SERTAD2: variants seen among roughly 807,000 people sequenced by gnomAD.
SERTAD2 encodes the protein SERTA domain-containing protein 2.
In SERTAD2, 2 loss-of-function variants were observed where a neutral mutation model predicts 15.4. The observed-to-expected ratio is 0.13, with a 90% CI of 0.05 to 0.41. SERTAD2 has a LOEUF of 0.41. Among genes scored for constraint, SERTAD2 ranks in the 10% least tolerant of loss-of-function variants. SERTAD2 has a pLI of 0.99. For synonymous variants in SERTAD2, 180 were observed against 178.0 expected (o/e 1.01, Z -0.09); for missense variants, 333 against 409.7 (o/e 0.81, Z 1.62).
Position 64,635,364 on chromosome 2 carries a change from C to G in SERTAD2, c.*563G>C, listed in dbSNP as rs1309709331. On this transcript the variant is annotated 3_prime_UTR_variant, in exon 2 of 2. Transcript: ENST00000313349. ...AAAACAATATCATAAACTGCAGAAT[C>G]TGTACAAAAATATAAAATAAATTTG... 6.6e-6 allele frequency: 1 copy of G among 152,652 alleles called. No individual in the cohort carries two copies. The highest frequency in any genetic ancestry group is 6.5e-5 in the Admixed American group (1 of 15,284). 9.5% of individuals were successfully genotyped at this position (152,652 alleles called of 1,614,324 possible). A position where few individuals can be genotyped will look rare whatever the true frequency, so the allele number is the denominator to read the frequency against.
At chr2:64,650,011 G>A (rs370632958) in intron 1 of SERTAD2, among the ~76,000 whole-genome samples, 77 of 152,306 alleles carry the variant, frequency 5.1e-4, no homozygotes, top group South Asian at 6.2e-4. Context: ...CAATGGGTGC[G>A]GAATACAGCT....
rs191208676 is a variant in SERTAD2, at chr2:64,645,614, A to T, written c.-5+8006T>A. 4.9e-4 allele frequency among the ~76,000 whole-genome samples: 74 copies of T among 152,332 alleles called. No individual in the cohort carries two copies. In the East Asian group the frequency reaches 9.6e-3, roughly 20 times the overall value. On this transcript the variant is annotated intron_variant, in intron 1 of 1. Coordinates refer to ENST00000313349, the MANE Select transcript of SERTAD2 (RefSeq NM_014755.3). The stretch of plus-strand genomic sequence containing the variant: ...TTTTCTCCTAGTAAAATAATTTTTT[A>T]AAAATGTTGACAGCTGCATTTAGTA...
rs930723277 is a variant in SERTAD2, at chr2:64,632,791, T to C, written c.*3136A>G. On this transcript the variant is annotated 3_prime_UTR_variant, in exon 2 of 2. Coordinates refer to ENST00000313349, the MANE Select transcript of SERTAD2 (RefSeq NM_014755.3). The stretch of plus-strand genomic sequence containing the variant: ...CCTACAAGAGAATACATTCCTACCA[T>C]ACATTCTGCACATGTTACGATCCAG... The C allele has an allele frequency of 4.6e-5, 7 of 152,650 alleles. No homozygotes were observed. In the South Asian group the frequency reaches 8.3e-4, roughly 18 times the overall value. 9.5% of individuals were successfully genotyped at this position (152,650 alleles called of 1,614,324 possible). A position where few individuals can be genotyped will look rare whatever the true frequency, so the allele number is the denominator to read the frequency against.
rs1257809993 is a variant in SERTAD2, at chr2:64,632,066, C to T, written c.*3861G>A. The T allele has an allele frequency of 1.3e-5, 2 of 152,656 alleles. No individual in the cohort carries two copies. Among genetic ancestry groups the T allele is most frequent in the Admixed American group, 6.5e-5 (1 of 15,288 alleles). 9.5% of individuals were successfully genotyped at this position (152,656 alleles called of 1,614,324 possible). A position where few individuals can be genotyped will look rare whatever the true frequency, so the allele number is the denominator to read the frequency against. ...CAATTGTACATAAGCAGGATGCACACAACTCCATGCCTCCAGGTGCGGGGC... is the reference window on the plus strand; with the variant it reads ...CAATTGTACATAAGCAGGATGCACATAACTCCATGCCTCCAGGTGCGGGGC... On this transcript the variant is annotated 3_prime_UTR_variant, in exon 2 of 2. Transcript: ENST00000313349.
At position 64,635,223 on chromosome 2, in the gene SERTAD2, A is replaced by G. The variant is rs975595549; in HGVS notation, c.*704T>C. ...CTCTTGCACCATACACATATAAAACATTACAACTCTATAAAAGTACAAGTG... is the reference window on the plus strand; with the variant it reads ...CTCTTGCACCATACACATATAAAACGTTACAACTCTATAAAAGTACAAGTG... On this transcript the variant is annotated 3_prime_UTR_variant, in exon 2 of 2. Transcript: ENST00000313349. 2.0e-5 allele frequency: 3 copies of G among 152,696 alleles called. No individual in the cohort carries two copies. Among genetic ancestry groups the G allele is most frequent in the African/African-American group, 7.2e-5 (3 of 41,462 alleles). 9.5% of individuals were successfully genotyped at this position (152,696 alleles called of 1,614,324 possible).
At position 64,632,719 on chromosome 2, in the gene SERTAD2, AG is replaced by A. The variant is rs1488053813; in HGVS notation, c.*3207del. ...AATGCGGACTGTGCATACAATGAGA[AG>A]ACCTGGGGGCCTGGCTTGGACCCCC... On this transcript the variant is annotated 3_prime_UTR_variant, in exon 2 of 2. Coordinates refer to ENST00000313349, the MANE Select transcript of SERTAD2 (RefSeq NM_014755.3). The A allele has an allele frequency of 2.0e-5, 3 of 152,670 alleles. No homozygotes were observed. The highest frequency in any genetic ancestry group is 4.4e-5 in the Non-Finnish European group (3 of 68,052). The allele number at this position is 152,670 out of a possible 1,614,324, so 9.5% of individuals were successfully genotyped here.
At chr2:64,646,898 A>C (rs1370078953) in intron 1 of SERTAD2, among the ~76,000 whole-genome samples, 1 of 152,230 alleles carries the variant, frequency 6.6e-6, no homozygotes, top group African/African-American at 2.4e-5. Flanking sequence ...GGCTTGCAAC[A>C]TGGACTCCCA....
rs1353612718 is a variant in SERTAD2, at chr2:64,632,078, T to C, written c.*3849A>G. The C allele has an allele frequency of 6.6e-6, 1 of 152,614 alleles. No homozygotes were observed. Among genetic ancestry groups the C allele is most frequent in the Non-Finnish European group, 1.5e-5 (1 of 68,030 alleles). The allele number at this position is 152,614 out of a possible 1,614,324, so 9.5% of individuals were successfully genotyped here. A position where few individuals can be genotyped will look rare whatever the true frequency, so the allele number is the denominator to read the frequency against. Reference sequence around the variant, plus strand: ...AGCAGGATGCACACAACTCCATGCCTCCAGGTGCGGGGCAGTTACAGGAAG... The same window carrying C: ...AGCAGGATGCACACAACTCCATGCCCCCAGGTGCGGGGCAGTTACAGGAAG... On this transcript the variant is annotated 3_prime_UTR_variant, in exon 2 of 2. Coordinates refer to ENST00000313349, the MANE Select transcript of SERTAD2 (RefSeq NM_014755.3).
At chr2:64,638,306 T>C (rs1309784426) in intron 1 of SERTAD2, among the ~76,000 whole-genome samples, 2 of 152,380 alleles carry the variant, frequency 1.3e-5, no homozygotes, top group East Asian at 3.9e-4. Flanking sequence ...TACACTGTCA[T>C]AGGCATTTGG....
chr2:64,642,058 G>A (rs1425497683), intron 1 of SERTAD2, among the ~76,000 whole-genome samples: 1 of 152,156 alleles, frequency 6.6e-6, no homozygotes, highest in Non-Finnish European at 1.5e-5. Flanking sequence ...AGTTTAGGCC[G>A]GAGGATATCT....
rs1275888647 is a variant in SERTAD2 at position 64,633,635 on chromosome 2, G to A, written c.*2292C>T. On this transcript the variant is annotated 3_prime_UTR_variant, in exon 2 of 2. Coordinates refer to ENST00000313349, the MANE Select transcript of SERTAD2 (RefSeq NM_014755.3). ...ATCTGGGCAGACTTGTTCTCTGCAA[G>A]AAAGGGAAGCTCTTAAAATTAACAG... 6.6e-6 allele frequency: 1 copy of A among 152,244 alleles called. No individual in the cohort carries two copies. The highest frequency in any genetic ancestry group is 1.5e-5 in the Non-Finnish European group (1 of 68,040). 9.4% of individuals were successfully genotyped at this position (152,244 alleles called of 1,614,324 possible).
rs1282339015 is a variant in SERTAD2, at chr2:64,636,798, C to T, written c.74G>A (p.Cys25Tyr). Residue 25 changes from cysteine to tyrosine, a missense_variant, in exon 2 of 2, where the codon TGT becomes TAT. Cys to Tyr is a radical substitution (Grantham distance 194). Transcript: ENST00000313349. Reference sequence around the variant, plus strand: ...GTAAGACACCTTGGATGGACCGTCACAGGGAGACACGATTTTGCCTTCCAG... The same window carrying T: ...GTAAGACACCTTGGATGGACCGTCATAGGGAGACACGATTTTGCCTTCCAG... ...DGLEGKIVSP[C>Y]DGPSKVSYTL... is the part of the protein sequence containing the mutation. 6.2e-7 allele frequency: 1 copy of T among 1,614,176 alleles called. No homozygotes were observed. The highest frequency in any genetic ancestry group is 1.1e-5 in the South Asian group (1 of 91,084).
chr2:64,644,061 T>C (rs1343022783), intron 1 of SERTAD2, among the ~76,000 whole-genome samples: 1 of 152,190 alleles, frequency 6.6e-6, no homozygotes, highest in Non-Finnish European at 1.5e-5. Context: ...TGCCCTCATG[T>C]ACCCACCTCT....
Position 64,636,522 on chromosome 2 carries a change from G to A in SERTAD2, c.350C>T (p.Pro117Leu). 6.2e-7 allele frequency: 1 copy of A among 1,604,536 alleles called. No homozygotes were observed. The highest frequency in any genetic ancestry group is 8.5e-7 in the Non-Finnish European group (1 of 1,173,664). ...FSHLASPSSH[P>L]CDLGSTTPLE... ...GGGCGTAGTGCTTCCGAGGTCGCAG[G>A]GGTGGGAGGACGGGGACGCCAGGTG... Residue 117 changes from proline to leucine, a missense_variant, in exon 2 of 2, where the codon CCC (proline) becomes CTC (leucine). By Grantham distance (98) the Pro-to-Leu change is moderately conservative (BLOSUM62 -3). Coordinates refer to ENST00000313349, the MANE Select transcript of SERTAD2 (RefSeq NM_014755.3).
intron 1 of SERTAD2, among the ~76,000 whole-genome samples, chr2:64,650,195 C>T (rs1342215460): frequency 6.6e-6 from 1 of 152,080 alleles, no homozygotes; most frequent in East Asian, 1.9e-4. Flanking sequence ...AGAGAGTTTG[C>T]GCTGTCTATA....
chr2:64,644,452 G>A (rs1249772280), intron 1 of SERTAD2, among the ~76,000 whole-genome samples: 1 of 152,238 alleles, frequency 6.6e-6, no homozygotes, highest in Non-Finnish European at 1.5e-5. Context: ...CCAGCCTGAG[G>A]GCGGGACGCT....
chr2:64,638,323 C>A (rs1218973506), intron 1 of SERTAD2, among the ~76,000 whole-genome samples: 1 of 152,220 alleles, frequency 6.6e-6, no homozygotes, highest in East Asian at 1.9e-4. Context: ...TTGGCCAGGC[C>A]CAGTGGGGAG....
chr2:64,644,638 C>T (rs182329001), intron 1 of SERTAD2: 1 of 152,454 alleles, frequency 6.6e-6, no homozygotes, highest in African/African-American at 2.4e-5. Context: ...CATGTCCAGG[C>T]TTTTAACACC....
rs1331611788 is a variant in SERTAD2 at position 64,636,885 on chromosome 2, G to A, written c.-4-10C>T. On this transcript the variant is annotated splice_polypyrimidine_tract_variant and intron_variant, in intron 1 of 1. Coordinates refer to ENST00000313349, the MANE Select transcript of SERTAD2 (RefSeq NM_014755.3). Reference sequence around the variant, plus strand: ...TTTACCCAACATATATCTGCAGAGGGGAGAGAGAGGAAATGGCATTAATCA... The same window carrying A: ...TTTACCCAACATATATCTGCAGAGGAGAGAGAGAGGAAATGGCATTAATCA... 1.9e-6 allele frequency: 3 copies of A among 1,561,254 alleles called. No individual in the cohort carries two copies. The highest frequency in any genetic ancestry group is 4.5e-5 in the East Asian group (2 of 44,440).
Sources: gnomAD v4.1 joint callset for allele counts (sites outside exome capture counted in the v4.1 genomes callset) on GRCh38, gnomAD v4.1.1 for gene constraint, MANE v1.5 for transcripts, NCBI Gene and HGNC (gene_info 2026-07-23, HGNC 2026-07-21) for gene names.